Variants in ADGRB3 observed in about 807,000 individuals in gnomAD.
ADGRB3 encodes the protein brain-specific angiogenesis inhibitor 3.
ADGRB3 carries 37 observed loss-of-function variants against 193.4 expected under a neutral mutation model. The ratio of observed to expected loss-of-function variants is 0.19; its 90% confidence interval spans 0.15 to 0.25. The LOEUF (loss-of-function observed/expected upper bound fraction) is 0.25. Among genes scored for constraint, ADGRB3 ranks in the 10% least tolerant of loss-of-function variants. The probability of loss-of-function intolerance (pLI) is 1.00; values close to 1 mark genes in which losing one functional copy is unlikely to be tolerated. For synonymous variants in ADGRB3, 690 were observed against 644.2 expected, an observed-to-expected ratio of 1.07 and a Z score of -1.08; for missense variants, 1,637 against 1,852.9, an observed-to-expected ratio of 0.88 and a Z score of 2.14.
intron 19 of ADGRB3, among the ~76,000 whole-genome samples, chr6:69,237,965 A>T (rs1315361492): frequency 6.6e-6 from 1 of 152,058 alleles, no homozygotes; most frequent in Non-Finnish European, 1.5e-5. Context: ...TTGTTTTGTG[A>T]CCAAAGGGAA....
At chr6:69,282,205 C>T (rs928663379) in intron 20 of ADGRB3, among the ~76,000 whole-genome samples, 5 of 152,082 alleles carry the variant, frequency 3.3e-5, no homozygotes, top group Admixed American at 2.0e-4. Flanking sequence ...AGGATTTGAA[C>T]GTCTGATTTT....
At chr6:68,974,140 C>CT (rs1485027112) in intron 8 of ADGRB3, among the ~76,000 whole-genome samples, 4 of 151,904 alleles carry the variant, frequency 2.6e-5, no homozygotes, top group Non-Finnish European at 4.4e-5. Flanking sequence ...TTGGAAGTCA[C>CT]TTTTTTGTAT....
intron 3 of ADGRB3, among the ~76,000 whole-genome samples, chr6:68,784,483 T>C (rs1262036780): frequency 6.6e-6 from 1 of 152,194 alleles, no homozygotes; most frequent in Non-Finnish European, 1.5e-5. Context: ...TATGCTATTA[T>C]ATTTTCCTTG....
intron 16 of ADGRB3, among the ~76,000 whole-genome samples, chr6:69,064,241 A>G (rs991138739): frequency 6.6e-6 from 1 of 152,068 alleles, no homozygotes; most frequent in Non-Finnish European, 1.5e-5. Context: ...TCTCTCTGCA[A>G]TAACTTTCAA....
intron 3 of ADGRB3, among the ~76,000 whole-genome samples, chr6:68,851,797 T>A (rs1768408262): frequency 6.6e-6 from 1 of 151,910 alleles, no homozygotes; most frequent in Non-Finnish European, 1.5e-5. Context: ...ATTCCTGAAC[T>A]ACTTTTCTTG....
chr6:69,293,466 G>A (rs755883578), intron 20 of ADGRB3, among the ~76,000 whole-genome samples: 3 of 152,176 alleles, frequency 2.0e-5, no homozygotes, highest in Admixed American at 6.5e-5. Context: ...ATTTCACAAC[G>A]TGGCGGGTGT....
At chr6:68,876,035 A>G (rs924818603) in intron 3 of ADGRB3, among the ~76,000 whole-genome samples, 1 of 152,036 alleles carries the variant, frequency 6.6e-6, no homozygotes, top group African/African-American at 2.4e-5. Context: ...TTTTATTATA[A>G]AACATTTATA....
intron 3 of ADGRB3, among the ~76,000 whole-genome samples, chr6:68,919,799 A>G (rs995071206): frequency 1.3e-5 from 2 of 152,300 alleles, no homozygotes; most frequent in East Asian, 3.9e-4. Flanking sequence ...CATTCAAGGC[A>G]GGAGGTTTGA....
At chr6:69,212,550 T>A (rs1470015024) in intron 17 of ADGRB3, among the ~76,000 whole-genome samples, 1 of 152,124 alleles carries the variant, frequency 6.6e-6, no homozygotes, top group Non-Finnish European at 1.5e-5. Flanking sequence ...GGATCCCCAG[T>A]AGAAACTGAA....
At chr6:69,014,859 A>G (rs1770043585) in intron 12 of ADGRB3, among the ~76,000 whole-genome samples, 1 of 151,922 alleles carries the variant, frequency 6.6e-6, no homozygotes, top group Non-Finnish European at 1.5e-5. Flanking sequence ...AAAAAGAATG[A>G]ACATTTACTG....
intron 15 of ADGRB3, among the ~76,000 whole-genome samples, chr6:69,050,029 C>T (rs1205268302): frequency 1.3e-5 from 2 of 152,184 alleles, no homozygotes; most frequent in Non-Finnish European, 2.9e-5. Context: ...TGACCTGTTT[C>T]TCCACATCAC....
intron 3 of ADGRB3, among the ~76,000 whole-genome samples, chr6:68,737,023 C>G (rs774573114): frequency 8.6e-5 from 13 of 152,004 alleles, no homozygotes; most frequent in Non-Finnish European, 1.5e-4. Flanking sequence ...ATATTACTTA[C>G]GGCTATGTTT....
chr6:69,057,061 C>A (rs570540844), intron 15 of ADGRB3, among the ~76,000 whole-genome samples: 3 of 151,980 alleles, frequency 2.0e-5, no homozygotes, highest in African/African-American at 7.2e-5. Flanking sequence ...ATTTATCTGT[C>A]TCTTCCTTCA....
chr6:68,642,959 A>G (rs937641493), intron 3 of ADGRB3, among the ~76,000 whole-genome samples: 7 of 152,198 alleles, frequency 4.6e-5, no homozygotes, highest in Admixed American at 2.0e-4. Flanking sequence ...TCTGGACTAT[A>G]TAGCTGAGAT....
intron 3 of ADGRB3, among the ~76,000 whole-genome samples, chr6:68,706,303 G>T (rs1020206073): frequency 6.6e-6 from 1 of 152,150 alleles, no homozygotes; most frequent in Non-Finnish European, 1.5e-5. Flanking sequence ...GCTGGCTGGG[G>T]TGGGGAAGAC....
chr6:68,678,132 T>C (rs887809556), intron 3 of ADGRB3, among the ~76,000 whole-genome samples: 3 of 152,142 alleles, frequency 2.0e-5, no homozygotes, highest in African/African-American at 4.8e-5. Context: ...TAAAATACAC[T>C]TTCAGGGCCT....
intron 3 of ADGRB3, among the ~76,000 whole-genome samples, chr6:68,859,284 T>C (rs1203744163): frequency 6.6e-6 from 1 of 152,190 alleles, no homozygotes; most frequent in Non-Finnish European, 1.5e-5. Flanking sequence ...GTCAAAGTAA[T>C]TCAACAAATC....
intron 17 of ADGRB3, among the ~76,000 whole-genome samples, chr6:69,135,892 C>A (rs1245795762): frequency 6.6e-6 from 1 of 152,062 alleles, no homozygotes; most frequent in Non-Finnish European, 1.5e-5. Context: ...AGAAAATGCT[C>A]CCTCTACAAA....
intron 30 of ADGRB3, among the ~76,000 whole-genome samples, chr6:69,376,337 A>T (rs961889338): frequency 1.3e-5 from 2 of 151,658 alleles, no homozygotes; most frequent in African/African-American, 2.4e-5. Context: ...GGCTCATGTG[A>T]TCCCCTTGAC....
Sources: gnomAD v4.1 joint callset for allele counts (sites outside exome capture counted in the v4.1 genomes callset) on GRCh38, gnomAD v4.1.1 for gene constraint, MANE v1.5 for transcripts, NCBI Gene and HGNC (gene_info 2026-07-23, HGNC 2026-07-21) for gene names.